FMNL2: variants seen among roughly 807,000 people sequenced by gnomAD.
FMNL2 encodes formin like 2, also known as formin-like protein 2.
In FMNL2, 51 loss-of-function variants were observed where a neutral mutation model predicts 130.2. The ratio of observed to expected loss-of-function variants is 0.39; its 90% CI spans 0.31 to 0.49. The LOEUF is 0.49. Ranked by LOEUF, FMNL2 falls within the 20% of genes least tolerant of loss-of-function variation. The pLI is 0.85. For missense variants in FMNL2, 977 were observed against 1,316.2 expected (o/e 0.74, Z 3.99); for synonymous variants, 465 against 467.1 (o/e 1.00, Z 0.06).
In FMNL2 at chr2:152,493,821, C is replaced by T. The variant is rs187074965; in HGVS notation, c.118-28122C>T. Among the ~76,000 whole-genome samples, 84 of 152,280 alleles carry T rather than the reference C, an allele frequency of 5.5e-4. No individual in the cohort carries two copies. The East Asian group carries it at 5.8e-3, about 10-fold the overall frequency. ...AAATAAACCTTTTCTTTAGAAATTA[C>T]GCAGCCTTGGGTATCCCTTTATAGC... On this transcript the variant is annotated intron_variant, in intron 1 of 25. Transcript: ENST00000288670.
At chr2:152,341,076 A>AT (rs771543934) in intron 1 of FMNL2, among the ~76,000 whole-genome samples, 3 of 152,196 alleles carry the variant, frequency 2.0e-5, no homozygotes, top group Non-Finnish European at 4.4e-5. Context: ...CACTTGCCAT[A>AT]AAGTCTGTTA....
chr2:152,474,640 T>G (rs1274368856), intron 1 of FMNL2, among the ~76,000 whole-genome samples: 1 of 152,022 alleles, frequency 6.6e-6, no homozygotes, highest in Non-Finnish European at 1.5e-5. Context: ...GAGCTGAGAT[T>G]GTACCACTGC....
In FMNL2 at chr2:152,598,361, G is replaced by T. The variant is rs1580059953; in HGVS notation, c.877-8978G>T. ...TAAGTCATCCCAGAGAGGACTGAAG[G>T]CCTTTGTCATGTAATCCTCAGGTGG... is the stretch of plus-strand genomic sequence containing the variant. On this transcript the variant is annotated intron_variant, in intron 9 of 25. Transcript: ENST00000288670. 3.9e-5 allele frequency among the ~76,000 whole-genome samples: 6 copies of T among 152,266 alleles called. No homozygotes were observed. In the South Asian group the frequency reaches 1.2e-3, roughly 32 times the overall value.
At chr2:152,514,050 T>C (rs748971920) in intron 1 of FMNL2, among the ~76,000 whole-genome samples, 11 of 152,090 alleles carry the variant, frequency 7.2e-5, no homozygotes, top group Admixed American at 2.0e-4. Flanking sequence ...GTGAGGGGAA[T>C]TGATGGGCAG....
intron 1 of FMNL2, chr2:152,390,404 C>A: frequency 9.2e-7 from 1 of 1,084,048 alleles, no homozygotes; most frequent in Non-Finnish European, 1.4e-6. Context: ...AGTGGTGGAG[C>A]TGCTTGGTGT....
At chr2:152,398,559 A>C (rs1339609087) in intron 1 of FMNL2, among the ~76,000 whole-genome samples, 1 of 152,208 alleles carries the variant, frequency 6.6e-6, no homozygotes, top group Non-Finnish European at 1.5e-5. Context: ...TTTTTTGAGC[A>C]ATTAATATGT....
In FMNL2 at chr2:152,648,258, T is replaced by TAAC. The variant is rs1176470633; in HGVS notation, c.*355_*357dup. 4 of 202,382 alleles carry TAAC rather than the reference T, an allele frequency of 2.0e-5. No homozygotes were observed. Among genetic ancestry groups the TAAC allele is most frequent in the Non-Finnish European group, 3.0e-5 (3 of 100,054 alleles). 12.5% of individuals were successfully genotyped at this position (202,382 alleles called of 1,614,324 possible). A position where few individuals can be genotyped will look rare whatever the true frequency, so the allele number is the denominator to read the frequency against. On this transcript the variant is annotated 3_prime_UTR_variant, in exon 26 of 26. Coordinates refer to ENST00000288670, the MANE Select transcript of FMNL2 (RefSeq NM_052905.4). ...CCACCTGGTTTCCTGATGTTGTAAA[T>TAAC]AACATCAATGCATCTGCTGTGGGTC...
intron 12 of FMNL2, among the ~76,000 whole-genome samples, chr2:152,616,128 A>G (rs1423983152): frequency 6.6e-6 from 1 of 151,980 alleles, no homozygotes; most frequent in African/African-American, 2.4e-5. Flanking sequence ...ATGAATTTAA[A>G]GGAGATGTTA....
intron 2 of FMNL2, among the ~76,000 whole-genome samples, chr2:152,535,839 C>G (rs1035495999): frequency 1.3e-5 from 2 of 152,204 alleles, no homozygotes; most frequent in Non-Finnish European, 2.9e-5. Flanking sequence ...AGACTTAATA[C>G]TTTTTCATTT....
rs185137007 is a variant in FMNL2, at chr2:152,354,584, A to G, written c.117+18864A>G. Among the ~76,000 whole-genome samples, 12 of 152,332 alleles carry G rather than the reference A, an allele frequency of 7.9e-5. No individual in the cohort carries two copies. The East Asian group carries it at 2.3e-3, about 29-fold the overall frequency. ...TGCTGAGTCAGACAGAGCTAAGCTT[A>G]TGAAACAAAGGCTAGTCCCAAATCA... On this transcript the variant is annotated intron_variant, in intron 1 of 25. Coordinates refer to ENST00000288670, the MANE Select transcript of FMNL2 (RefSeq NM_052905.4).
rs560048899 is a variant in FMNL2, at chr2:152,606,873, G to A, written c.877-466G>A. 1.3e-4 allele frequency among the ~76,000 whole-genome samples: 19 copies of A among 151,754 alleles called. No homozygotes were observed. In the East Asian group the frequency reaches 3.7e-3, roughly 29 times the overall value. ...TGTCTATTTCTGTATTGTAGTTTAT[G>A]CACTGAGATTTTTTGATTCAGTTAT... On this transcript the variant is annotated intron_variant, in intron 9 of 25. Coordinates refer to ENST00000288670, the MANE Select transcript of FMNL2 (RefSeq NM_052905.4).
At chr2:152,585,885 T>C (rs1697042504) in intron 9 of FMNL2, among the ~76,000 whole-genome samples, 1 of 146,020 alleles carries the variant, frequency 6.8e-6, no homozygotes, top group African/African-American at 2.6e-5. Flanking sequence ...TTTGAGAAAA[T>C]GGCTTGCTTT....
At chr2:152,375,811 TTA>T (rs1684120275) in intron 1 of FMNL2, among the ~76,000 whole-genome samples, 1 of 148,304 alleles carries the variant, frequency 6.7e-6, no homozygotes, top group African/African-American at 2.5e-5. Context: ...AAATGTGACT[TTA>T]TAGACATTTC....
At chr2:152,345,189 TAATA>T (rs1475973527) in intron 1 of FMNL2, among the ~76,000 whole-genome samples, 1 of 152,104 alleles carries the variant, frequency 6.6e-6, no homozygotes, top group Non-Finnish European at 1.5e-5. Flanking sequence ...AACTTTCTAA[TAATA>T]GGGAACAGGG....
intron 1 of FMNL2, among the ~76,000 whole-genome samples, chr2:152,392,246 A>G (rs1330010280): frequency 3.9e-5 from 6 of 152,054 alleles, no homozygotes; most frequent in East Asian, 1.9e-4. Context: ...GAGGTGACCA[A>G]AGCCACTTGG....
intron 1 of FMNL2, among the ~76,000 whole-genome samples, chr2:152,348,378 C>T (rs1473850047): frequency 6.6e-6 from 1 of 152,166 alleles, no homozygotes; most frequent in Non-Finnish European, 1.5e-5. Flanking sequence ...GGTCTGACAG[C>T]TTTTACTTGG....
intron 1 of FMNL2, among the ~76,000 whole-genome samples, chr2:152,491,263 G>GC (rs1691172301): frequency 6.6e-6 from 1 of 152,146 alleles, no homozygotes; most frequent in Admixed American, 6.5e-5. Context: ...GTATAAACTG[G>GC]CCACTATCTG....
At chr2:152,356,569 G>A (rs1682795143) in intron 1 of FMNL2, among the ~76,000 whole-genome samples, 1 of 152,212 alleles carries the variant, frequency 6.6e-6, no homozygotes, top group Non-Finnish European at 1.5e-5. Flanking sequence ...TTAATACAGT[G>A]CTTTTATGGT....
intron 17 of FMNL2, among the ~76,000 whole-genome samples, chr2:152,628,081 T>C (rs1015333214): frequency 1.3e-5 from 2 of 152,182 alleles, no homozygotes; most frequent in African/African-American, 4.8e-5. Flanking sequence ...GTCCACGTTT[T>C]CAGGAAGAAC....
Sources: gnomAD v4.1 joint callset for allele counts (sites outside exome capture counted in the v4.1 genomes callset) on GRCh38, gnomAD v4.1.1 for gene constraint, MANE v1.5 for transcripts, NCBI Gene and HGNC (gene_info 2026-07-23, HGNC 2026-07-21) for gene names.